Variants in TGFA observed in about 807,000 individuals in gnomAD.
The protein encoded by TGFA is protransforming growth factor alpha.
TGFA carries 12 observed loss-of-function variants against 21.7 expected under a neutral mutation model. The ratio of observed to expected loss-of-function variants is 0.55; its 90% CI spans 0.35 to 0.90. The LOEUF (loss-of-function observed/expected upper bound fraction) is 0.90, where lower values mean the gene tolerates loss of function less well. Among genes scored for constraint, TGFA ranks in the 40% least tolerant of loss-of-function variants. The pLI is 0.01. For missense variants in TGFA, 178 were observed against 210.8 expected, an observed-to-expected ratio of 0.84 and a Z score of 0.96; for synonymous variants, 79 against 88.1, an observed-to-expected ratio of 0.90 and a Z score of 0.58.
At chr2:70,533,900 A>C (rs940586522) in intron 1 of TGFA, among the ~76,000 whole-genome samples, 1 of 152,166 alleles carries the variant, frequency 6.6e-6, no homozygotes, top group Non-Finnish European at 1.5e-5. Context: ...CATTCATTGC[A>C]AAGAAGTCTG....
rs3771513 is a variant in TGFA at position 70,470,580 on chromosome 2, G to A, written c.95-4844C>T. On this transcript the variant is annotated intron_variant, in intron 2 of 5. Coordinates refer to ENST00000295400, the MANE Select transcript of TGFA (RefSeq NM_003236.4). ...CAATTTCCCAAAGAAGCATCTGCCC[G>A]TGTAAACCATCAGTTCTTTCACTTC... Among the ~76,000 whole-genome samples the A allele has an allele frequency of 9.2e-5, 14 of 152,300 alleles. No homozygotes were observed. The East Asian group carries it at 9.6e-4, about 10-fold the overall frequency.
chr2:70,483,135 C>T (rs78303977), intron 2 of TGFA, among the ~76,000 whole-genome samples: 1,620 of 152,296 alleles, frequency 0.011, 42 homozygotes, highest in African/African-American at 0.038. Flanking sequence ...TTGAACTCAA[C>T]GTGTATCCTC....
At chr2:70,514,740 C>T (rs1002926749) in intron 2 of TGFA, 119 bp downstream of exon 2, 92 of 1,096,834 alleles carry the variant, frequency 8.4e-5, no homozygotes, top group Middle Eastern at 5.7e-4. Flanking sequence ...GAGAGGACTC[C>T]GGGACAGGCG....
chr2:70,501,673 T>G (rs574831864), intron 2 of TGFA, among the ~76,000 whole-genome samples: 133 of 152,208 alleles, frequency 8.7e-4, no homozygotes, highest in Non-Finnish European at 1.5e-3. Context: ...CTCAAATAGC[T>G]CTAGTTCCCC....
At chr2:70,543,403 G>C (rs1179967167) in intron 1 of TGFA, among the ~76,000 whole-genome samples, 1 of 151,916 alleles carries the variant, frequency 6.6e-6, no homozygotes, top group Admixed American at 6.6e-5. Flanking sequence ...GTACACAGCT[G>C]TAATCCCAGC....
At chr2:70,469,718 C>T (rs1164349971) in intron 2 of TGFA, among the ~76,000 whole-genome samples, 4 of 152,172 alleles carry the variant, frequency 2.6e-5, no homozygotes, top group Non-Finnish European at 5.9e-5. Flanking sequence ...TGGGCTCTTG[C>T]AAAAGTGGAA....
At chr2:70,451,931 A>G (rs1008647316) in intron 5 of TGFA, among the ~76,000 whole-genome samples, 34 of 152,160 alleles carry the variant, frequency 2.2e-4, no homozygotes, top group Admixed American at 2.2e-3. Context: ...TTGCATCCTC[A>G]AGAGCTGTGG....
chr2:70,500,347 T>C (rs782436292), intron 2 of TGFA, among the ~76,000 whole-genome samples: 9 of 152,008 alleles, frequency 5.9e-5, no homozygotes, highest in Non-Finnish European at 1.3e-4. Context: ...TGAACACCAA[T>C]AAAAATACAC....
chr2:70,497,576 C>T (rs561952209), intron 2 of TGFA, among the ~76,000 whole-genome samples: 1 of 152,334 alleles, frequency 6.6e-6, no homozygotes, highest in African/African-American at 2.4e-5. Context: ...GCATCTTCTC[C>T]TTTGGGCACA....
At chr2:70,473,080 G>A (rs1018799896) in intron 2 of TGFA, among the ~76,000 whole-genome samples, 5 of 152,138 alleles carry the variant, frequency 3.3e-5, no homozygotes, top group African/African-American at 9.7e-5. Flanking sequence ...GATACTCCCA[G>A]GTATCAAGGC....
intron 1 of TGFA, among the ~76,000 whole-genome samples, chr2:70,540,844 G>C (rs1553505120): frequency 1.3e-5 from 2 of 152,028 alleles, no homozygotes; most frequent in Non-Finnish European, 1.5e-5. Flanking sequence ...AGGGCCTAAG[G>C]ATACAAACAG....
chr2:70,451,991 G>A (rs556236180), intron 5 of TGFA, among the ~76,000 whole-genome samples: 2 of 152,208 alleles, frequency 1.3e-5, no homozygotes, highest in African/African-American at 4.8e-5. Flanking sequence ...CTCCCTTACT[G>A]TGCACGATGA....
intron 1 of TGFA, 56 bp from the exon 2 acceptor site, chr2:70,514,968 CT>C (rs1553501419): frequency 1.9e-6 from 3 of 1,555,660 alleles, no homozygotes. Context: ...AAATGATGTC[CT>C]CAGACGCTTA....
At chr2:70,538,186 A>G (rs1300899067) in intron 1 of TGFA, among the ~76,000 whole-genome samples, 9 of 152,164 alleles carry the variant, frequency 5.9e-5, no homozygotes. Context: ...AAAAAAAAGC[A>G]TTTCTTTCAA....
intron 1 of TGFA, 21 bp from the exon 2 acceptor site, chr2:70,514,933 G>C: frequency 1.2e-6 from 2 of 1,612,862 alleles, no homozygotes; most frequent in Non-Finnish European, 1.7e-6. Flanking sequence ...GAGGAGAAGA[G>C]GGAAAAGGTC....
chr2:70,451,382 A>AGGTC, intron 5 of TGFA, among the ~76,000 whole-genome samples: 1 of 152,304 alleles, frequency 6.6e-6, no homozygotes, highest in African/African-American at 2.4e-5. Flanking sequence ...ACATGTCTCT[A>AGGTC]GGTCCTTGCC....
At chr2:70,541,858 C>T (rs1336048285) in intron 1 of TGFA, among the ~76,000 whole-genome samples, 1 of 152,142 alleles carries the variant, frequency 6.6e-6, no homozygotes, top group Non-Finnish European at 1.5e-5. Context: ...CCCTGAAACC[C>T]TAATTATAAC....
At chr2:70,472,348 C>T (rs1002230434) in intron 2 of TGFA, among the ~76,000 whole-genome samples, 34 of 152,170 alleles carry the variant, frequency 2.2e-4, no homozygotes, top group Admixed American at 1.4e-3. Flanking sequence ...CCACCAGCAG[C>T]TGGAGTTTCA....
At chr2:70,538,291 A>G (rs1553504749) in intron 1 of TGFA, among the ~76,000 whole-genome samples, 1 of 152,254 alleles carries the variant, frequency 6.6e-6, no homozygotes, top group Non-Finnish European at 1.5e-5. Context: ...CTGCTAACAC[A>G]GCAACCACTA....
Sources: gnomAD v4.1 joint callset for allele counts (sites outside exome capture counted in the v4.1 genomes callset) on GRCh38, gnomAD v4.1.1 for gene constraint, MANE v1.5 for transcripts, NCBI Gene and HGNC (gene_info 2026-07-23, HGNC 2026-07-21) for gene names.